CEP170: variants seen among roughly 807,000 people sequenced by gnomAD.
The protein encoded by CEP170 is centrosomal protein 170.
CEP170 carries 21 observed loss-of-function variants against 151.9 expected under a neutral mutation model. The observed-to-expected ratio is 0.14, with a 90% CI of 0.10 to 0.20. The LOEUF (loss-of-function observed/expected upper bound fraction) is 0.20, where lower values mean the gene tolerates loss of function less well. Ranked by LOEUF, CEP170 falls within the 10% of genes least tolerant of loss-of-function variation. The pLI is 1.00. For missense variants in CEP170, 964 were observed against 1,892.9 expected (o/e 0.51, Z 9.11); for synonymous variants, 356 against 648.8 (o/e 0.55, Z 6.86).
intron 3 of CEP170, among the ~76,000 whole-genome samples, chr1:243,217,806 C>T (rs1020243686): frequency 6.6e-6 from 1 of 152,110 alleles, no homozygotes; most frequent in Non-Finnish European, 1.5e-5. Context: ...CAGGTAGAGA[C>T]CTGGTGGTGA....
At chr1:243,175,467 T>C (rs955598442) in intron 10 of CEP170, among the ~76,000 whole-genome samples, 1 of 152,230 alleles carries the variant, frequency 6.6e-6, no homozygotes, top group Non-Finnish European at 1.5e-5. Context: ...TCCATATCTA[T>C]GCGTTTCTGC....
intron 14 of CEP170, among the ~76,000 whole-genome samples, chr1:243,145,558 C>A (rs1266488335): frequency 1.3e-5 from 2 of 152,260 alleles, no homozygotes; most frequent in Non-Finnish European, 2.9e-5. Context: ...CAGGCGTGAG[C>A]CACTACGCCC....
chr1:243,132,930 A>T (rs2054590794), intron 17 of CEP170, among the ~76,000 whole-genome samples: 1 of 152,186 alleles, frequency 6.6e-6, no homozygotes, highest in South Asian at 2.1e-4. Flanking sequence ...CCACATGACC[A>T]TACAAGACTC....
At chr1:243,225,095 G>A in intron 2 of CEP170, 81 bp downstream of exon 2, 1 of 729,840 alleles carries the variant, frequency 1.4e-6, no homozygotes, top group Middle Eastern at 2.5e-4. Context: ...AAATAGCACT[G>A]TTTTCTAAAG....
rs188868043 is a variant in CEP170, at chr1:243,244,501, G to C, written c.-42+10539C>G. On this transcript the variant is annotated intron_variant, in intron 1 of 19. Transcript: ENST00000366542. ...CTCACGCCTGTAATCACAGCACTTT[G>C]GGAGTCTCAGGCAGGTAGATAGCTT... 3.3e-5 allele frequency among the ~76,000 whole-genome samples: 5 copies of C among 152,316 alleles called. No individual in the cohort carries two copies. The East Asian group carries it at 9.7e-4, about 29-fold the overall frequency.
rs72475058 is a variant in CEP170, at chr1:243,190,567, A to G, written c.1108+451T>C. Among the ~76,000 whole-genome samples, 15 of 152,316 alleles carry G rather than the reference A, an allele frequency of 9.8e-5. No individual in the cohort carries two copies. In the East Asian group the frequency reaches 2.9e-3, roughly 29 times the overall value. The stretch of plus-strand genomic sequence containing the variant: ...GAGAATACTTTGAAGCGCTCCATCA[A>G]TGATGTGACTGCATTACCAAAGTAG... On this transcript the variant is annotated intron_variant, in intron 8 of 19. Coordinates refer to ENST00000366542, the MANE Select transcript of CEP170 (RefSeq NM_014812.3).
chr1:243,252,892 TAA>T (rs2066071241), intron 1 of CEP170, among the ~76,000 whole-genome samples: 1 of 152,036 alleles, frequency 6.6e-6, no homozygotes. Flanking sequence ...ATAAAAAACA[TAA>T]AGTTAATATA....
rs375351644 is a variant in CEP170, at chr1:243,231,946, TTTC to T, written c.-41-6628_-41-6626del. 3.4e-3 allele frequency among the ~76,000 whole-genome samples: 517 copies of T among 151,944 alleles called. 2 individuals carry two copies. The highest frequency in any genetic ancestry group is 0.013 in the East Asian group (68 of 5,174). On this transcript the variant is annotated intron_variant, in intron 1 of 19. Transcript: ENST00000366542. Reference sequence around the variant, plus strand: ...TCCACATCAGCAATCCTCACTGTCTTTTCTTCTTCTTCTTCTTCTTTTTTTTTC... The same window carrying T: ...TCCACATCAGCAATCCTCACTGTCTTTTCTTCTTCTTCTTCTTTTTTTTTC...
At chr1:243,202,532 C>T (rs896681351) in intron 4 of CEP170, among the ~76,000 whole-genome samples, 6 of 151,780 alleles carry the variant, frequency 4.0e-5, no homozygotes, top group Admixed American at 6.6e-5. Context: ...TACATACATT[C>T]GCATATTTAT....
rs554137583 is a variant in CEP170 at position 243,197,482 on chromosome 1, A to C, written c.631+1578T>G. ...AAATAAGCAGGTGACCCTCTCCTGA[A>C]CCTGTGAGAGGCCAATGAGATGAGA... On this transcript the variant is annotated intron_variant, in intron 7 of 19. Coordinates refer to ENST00000366542, the MANE Select transcript of CEP170 (RefSeq NM_014812.3). Among the ~76,000 whole-genome samples the C allele has an allele frequency of 3.9e-5, 6 of 152,216 alleles. No individual in the cohort carries two copies. In the South Asian group the frequency reaches 6.2e-4, roughly 16 times the overall value.
chr1:243,202,594 A>G (rs1250227716), intron 4 of CEP170, among the ~76,000 whole-genome samples: 5 of 152,036 alleles, frequency 3.3e-5, no homozygotes, highest in African/African-American at 1.2e-4. Flanking sequence ...ACACTAGGGC[A>G]TGACTACTGC....
At chr1:243,160,531 A>T (rs1253112338) in intron 13 of CEP170, among the ~76,000 whole-genome samples, 1 of 152,226 alleles carries the variant, frequency 6.6e-6, no homozygotes, top group East Asian at 1.9e-4. Flanking sequence ...AAGGAAAAAA[A>T]GAGTTGTTAG....
intron 8 of CEP170, among the ~76,000 whole-genome samples, chr1:243,188,542 T>C (rs2148737719): frequency 6.6e-6 from 1 of 152,352 alleles, no homozygotes; most frequent in Middle Eastern, 3.4e-3. Flanking sequence ...TTTTCTTTCC[T>C]TTGCTCATCA....
chr1:243,191,230 G>A lies in CEP170; in HGVS notation c.896C>T (p.Thr299Ile). ...PGKVTIRDHV[T>I]KFTSDQRHKS... ...GTGGCGCTGATCAGAAGTAAACTTT[G>A]TCACATGGTCTCTAATAGTTACCTT... Residue 299 changes from threonine to isoleucine, a missense_variant, in exon 8 of 20, where the codon ACA becomes ATA. Thr to Ile is a moderately conservative substitution (Grantham distance 89). Transcript: ENST00000366542. 4 of 1,609,758 alleles carry A rather than the reference G, an allele frequency of 2.5e-6. No individual in the cohort carries two copies. The South Asian group carries it at 3.3e-5, about 13-fold the overall frequency.
intron 17 of CEP170, among the ~76,000 whole-genome samples, chr1:243,129,658 T>C (rs932345272): frequency 6.6e-6 from 1 of 152,160 alleles, no homozygotes; most frequent in Non-Finnish European, 1.5e-5. Flanking sequence ...TATTAATACA[T>C]GCATAAATTC....
At chr1:243,159,770 T>TGTGTGTGTGTGTGTGTGTGTGC (rs2057901974) in intron 13 of CEP170, among the ~76,000 whole-genome samples, 1 of 149,232 alleles carries the variant, frequency 6.7e-6, no homozygotes, top group Non-Finnish European at 1.5e-5. Flanking sequence ...GTTTTGTGTG[T>TGTGTGTGTGTGTGTGTGTGTGC]GTGTGTGTGT....
intron 8 of CEP170, among the ~76,000 whole-genome samples, chr1:243,187,468 A>T (rs1473888769): frequency 3.3e-5 from 5 of 152,222 alleles, no homozygotes; most frequent in Admixed American, 3.3e-4. Context: ...TGGAATCACA[A>T]ATCAGAGCTT....
chr1:243,221,088 T>C (rs7516586), intron 3 of CEP170, among the ~76,000 whole-genome samples: 131,550 of 152,098 alleles, frequency 0.86, 57,020 homozygotes, highest in East Asian at 0.95. Flanking sequence ...GCAGTGGCGC[T>C]GTCTCGGCTC....
chr1:243,161,128 C>T (rs867390664), intron 13 of CEP170, among the ~76,000 whole-genome samples: 1 of 150,240 alleles, frequency 6.7e-6, no homozygotes, highest in East Asian at 1.9e-4. Context: ...TATGGTGAAG[C>T]CTCTCCTCTA....
Sources: allele counts gnomAD v4.1 joint callset (sites outside exome capture counted in the v4.1 genomes callset), GRCh38; gene constraint gnomAD v4.1.1; transcripts MANE v1.5; gene names NCBI Gene and HGNC (gene_info 2026-07-23, HGNC 2026-07-21).